ADGRL3: variants seen among roughly 807,000 people sequenced by gnomAD.
The protein encoded by ADGRL3 is calcium-independent alpha-latrotoxin receptor 3.
ADGRL3 carries 62 observed loss-of-function variants against 153.5 expected under a neutral mutation model. The observed-to-expected ratio is 0.40, with a 90% CI of 0.33 to 0.50. The LOEUF is 0.50. Among genes scored for constraint, ADGRL3 ranks in the 20% least tolerant of loss-of-function variants. The probability of loss-of-function intolerance (pLI) is 0.47; values close to 1 mark genes in which losing one functional copy is unlikely to be tolerated. For synonymous variants in ADGRL3, 710 were observed against 672.5 expected (o/e 1.06, Z -0.86); for missense variants, 1,641 against 1,859.4 (o/e 0.88, Z 2.16).
intron 2 of ADGRL3, among the ~76,000 whole-genome samples, chr4:61,472,212 T>C (rs2097966029): frequency 6.6e-6 from 1 of 152,120 alleles, no homozygotes; most frequent in African/African-American, 2.4e-5. Flanking sequence ...GTTTAAACAA[T>C]TACAGTATTC....
chr4:61,463,968 T>G (rs2097852069), intron 2 of ADGRL3, among the ~76,000 whole-genome samples: 1 of 152,188 alleles, frequency 6.6e-6, no homozygotes, highest in African/African-American at 2.4e-5. Context: ...GAACACTTAC[T>G]GCAGGGCTCA....
At chr4:61,289,024 A>C (rs76554036) in intron 1 of ADGRL3, among the ~76,000 whole-genome samples, 2,954 of 152,094 alleles carry the variant, frequency 0.019, 86 homozygotes, top group African/African-American at 0.065. Flanking sequence ...TTATATATAC[A>C]CACACAAGAT....
At chr4:61,682,850 A>G (rs1031072313) in intron 6 of ADGRL3, among the ~76,000 whole-genome samples, 6 of 152,202 alleles carry the variant, frequency 3.9e-5, no homozygotes, top group African/African-American at 9.6e-5. Flanking sequence ...TTCACCATCT[A>G]TTGAGTACCT....
intron 9 of ADGRL3, among the ~76,000 whole-genome samples, chr4:61,858,979 C>T (rs770602928): frequency 6.6e-6 from 1 of 152,008 alleles, no homozygotes; most frequent in African/African-American, 2.4e-5. Context: ...TTTAAAAGAT[C>T]GGAGTCAATA....
chr4:61,744,430 C>G (rs1448290810), intron 8 of ADGRL3, among the ~76,000 whole-genome samples: 1 of 152,192 alleles, frequency 6.6e-6, no homozygotes, highest in African/African-American at 2.4e-5. Flanking sequence ...TCCCTGACCC[C>G]TGACCCCCGA....
Position 61,532,523 on chromosome 4 carries a change from A to T in ADGRL3, c.259+15005A>T, listed in dbSNP as rs2098625813. Among the ~76,000 whole-genome samples, 2 of 140,804 alleles carry T rather than the reference A, an allele frequency of 1.4e-5. 1 individual carries two copies. The highest frequency in any genetic ancestry group is 4.7e-4 in the South Asian group (2 of 4,258). 92.4% of individuals were successfully genotyped at this position (140,804 alleles called of 152,430 possible). ...CATTTGTAAGTCTTGTTTCTGCAGG[A>T]TGCTGCATGCGCGCGCGCGCGCGCG... On this transcript the variant is annotated intron_variant, in intron 4 of 26. Transcript: ENST00000683033.
At chr4:61,703,742 A>T (rs1459112387) in intron 6 of ADGRL3, among the ~76,000 whole-genome samples, 3 of 152,192 alleles carry the variant, frequency 2.0e-5, no homozygotes. Context: ...GACTAAAAAA[A>T]GACCAAACTG....
At chr4:61,467,630 A>G (rs335336) in intron 2 of ADGRL3, among the ~76,000 whole-genome samples, 131,134 of 152,082 alleles carry the variant, frequency 0.86, 58,121 homozygotes, top group Non-Finnish European at 0.96. Flanking sequence ...TGAAGTGGAT[A>G]TGATCTCTGG....
chr4:61,651,986 T>C (rs1241668957), intron 5 of ADGRL3, among the ~76,000 whole-genome samples: 2 of 151,916 alleles, frequency 1.3e-5, no homozygotes, highest in Non-Finnish European at 2.9e-5. Flanking sequence ...AAAGAAAAAA[T>C]GTATTAAGCC....
Position 61,733,240 on chromosome 4 carries a change from C to T in ADGRL3, c.1085C>T (p.Thr362Ile). ...KIVISQLNPY[T>I]LRIEGTWDTA... is the part of the protein sequence containing the mutation. ...GTCATTAGTCAATTGAACCCTTACACCCTACGGATCGAAGGAACATGGGAT... is the reference window on the plus strand; with the variant it reads ...GTCATTAGTCAATTGAACCCTTACATCCTACGGATCGAAGGAACATGGGAT... Residue 362 changes from threonine to isoleucine, a missense_variant, in exon 8 of 27, where the codon ACC becomes ATC. By Grantham distance (89) the Thr-to-Ile change is moderately conservative (BLOSUM62 -1). Transcript: ENST00000683033. The T allele has an allele frequency of 1.2e-6, 2 of 1,613,650 alleles. No individual in the cohort carries two copies. The highest frequency in any genetic ancestry group is 1.7e-6 in the Non-Finnish European group (2 of 1,179,794).
chr4:61,728,398 G>GCTCTTCAAAAAATAAAAATTAATTT (rs2096384681), intron 6 of ADGRL3, among the ~76,000 whole-genome samples: 1 of 151,992 alleles, frequency 6.6e-6, no homozygotes, highest in African/African-American at 2.4e-5. Context: ...GTTAATAGAG[G>GCTCTTCAAAAAATAAAAATTAATTT]TTAAAGCTCT....
chr4:61,289,291 C>A (rs2094075663), intron 1 of ADGRL3, among the ~76,000 whole-genome samples: 1 of 151,924 alleles, frequency 6.6e-6, no homozygotes, highest in Non-Finnish European at 1.5e-5. Context: ...AAAATATTAG[C>A]CTTTCCTCTG....
At chr4:61,923,524 C>T (rs1479080031) in intron 13 of ADGRL3, among the ~76,000 whole-genome samples, 5 of 152,066 alleles carry the variant, frequency 3.3e-5, no homozygotes, top group African/African-American at 7.2e-5. Context: ...ACTGGCTCCT[C>T]CTCGGATCCT....
rs1479027719 is a variant in ADGRL3 at position 62,076,690 on chromosome 4, CTT to C, written c.*5783_*5784del. 1 of 151,948 alleles carries C rather than the reference CTT, an allele frequency of 6.6e-6. No individual in the cohort carries two copies. Among genetic ancestry groups the C allele is most frequent in the African/African-American group, 2.4e-5 (1 of 41,440 alleles). The allele number at this position is 151,948 out of a possible 1,614,324, so 9.4% of individuals were successfully genotyped here. ...GGAAACATTAAATACTTTAAACACTCTTGAGATATTTCGTATCTAGCTATACC... is the reference window on the plus strand; with the variant it reads ...GGAAACATTAAATACTTTAAACACTCGAGATATTTCGTATCTAGCTATACC... On this transcript the variant is annotated 3_prime_UTR_variant, in exon 27 of 27. Coordinates refer to ENST00000683033, the MANE Select transcript of ADGRL3 (RefSeq NM_001387552.1).
intron 1 of ADGRL3, among the ~76,000 whole-genome samples, chr4:61,208,246 G>T (rs2148807115): frequency 6.6e-6 from 1 of 152,184 alleles, no homozygotes; most frequent in Non-Finnish European, 1.5e-5. Context: ...GAGTGTGTTT[G>T]CCTAGGTTGA....
At chr4:61,628,330 A>T (rs989919334) in intron 5 of ADGRL3, among the ~76,000 whole-genome samples, 30 of 152,170 alleles carry the variant, frequency 2.0e-4, no homozygotes, top group African/African-American at 6.8e-4. Flanking sequence ...TGCACTGCCA[A>T]TCTGATCAGC....
At chr4:61,528,989 A>G (rs892454479) in intron 4 of ADGRL3, among the ~76,000 whole-genome samples, 1 of 152,126 alleles carries the variant, frequency 6.6e-6, no homozygotes, top group Non-Finnish European at 1.5e-5. Context: ...TTTCAAGCAG[A>G]GAACTCATTA....
chr4:61,398,226 A>G (rs996055330), intron 2 of ADGRL3, among the ~76,000 whole-genome samples: 6 of 151,788 alleles, frequency 4.0e-5, no homozygotes, highest in African/African-American at 1.2e-4. Context: ...ATTTTACTAG[A>G]AAGCAGATTT....
chr4:61,488,987 C>G (rs2098227899), intron 2 of ADGRL3, among the ~76,000 whole-genome samples: 1 of 151,952 alleles, frequency 6.6e-6, no homozygotes, highest in Admixed American at 6.6e-5. Flanking sequence ...ATCCCACTTA[C>G]CACTAAATGC....
Sources: allele counts gnomAD v4.1 joint callset (sites outside exome capture counted in the v4.1 genomes callset), GRCh38; gene constraint gnomAD v4.1.1; transcripts MANE v1.5; gene names NCBI Gene and HGNC (gene_info 2026-07-23, HGNC 2026-07-21).